The following COL5A3 variants were observed in gnomAD, a reference collection of about 807,000 sequenced individuals.
COL5A3 encodes the protein collagen type V alpha 3 chain.
In COL5A3, 172 loss-of-function variants were observed where a neutral mutation model predicts 250.0. The observed-to-expected ratio is 0.69, with a 90% confidence interval of 0.61 to 0.78. The LOEUF (loss-of-function observed/expected upper bound fraction) is 0.78. COL5A3 is among the 30% of genes least tolerant of loss of function. The pLI, the probability that COL5A3 is intolerant of heterozygous loss-of-function variation, is 0.00. For synonymous variants in COL5A3, 937 were observed against 900.4 expected (o/e 1.04, Z -0.73); for missense variants, 2,340 against 2,334.4 (o/e 1.00, Z -0.05).
rs142716179 is a variant in COL5A3 at position 10,004,095 on chromosome 19, C to T, written c.645G>A (p.Gln215=). 231 of 1,613,984 alleles carry T rather than the reference C, an allele frequency of 1.4e-4. No homozygotes were observed. Among genetic ancestry groups the T allele is most frequent in the Non-Finnish European group, 1.9e-4 (227 of 1,179,994 alleles). The change falls in exon 5 of 67, where the codon CAG becomes CAA. Residue 215 remains glutamine (Q), a synonymous_variant. Coordinates refer to ENST00000264828, the MANE Select transcript of COL5A3 (RefSeq NM_015719.4). ...AGTCGGGGAGGTACCGCTCACAAGCCTGGAAGGCAGCCTGAGGATCTGGGC... is the reference window on the plus strand; with the variant it reads ...AGTCGGGGAGGTACCGCTCACAAGCTTGGAAGGCAGCCTGAGGATCTGGGC... ...LISPDPQAAF[Q]ACERYLPDCD...
rs781503204 is a variant in COL5A3, at chr19:9,965,458, CT to C, written c.4782+855del. ...GGAGTGAGCCACCGCGCCCGGCCTTCTTTTTTTTTTTTCTAGGCGGAGTCTC... is the reference window on the plus strand; with the variant it reads ...GGAGTGAGCCACCGCGCCCGGCCTTCTTTTTTTTTTTCTAGGCGGAGTCTC... On this transcript the variant is annotated intron_variant, in intron 64 of 66. Transcript: ENST00000264828. 8.5e-4 allele frequency among the ~76,000 whole-genome samples: 119 copies of C among 139,418 alleles called. 1 individual carries two copies. Among genetic ancestry groups the C allele is most frequent in the South Asian group, 6.0e-3 (26 of 4,322 alleles). 91.5% of individuals were successfully genotyped at this position (139,418 alleles called of 152,430 possible).
chr19:9,984,275 G>A (rs567568699), intron 31 of COL5A3, among the ~76,000 whole-genome samples: 11 of 151,886 alleles, frequency 7.2e-5, no homozygotes, highest in African/African-American at 1.7e-4. Flanking sequence ...CACTCGCCTC[G>A]GCCTCCCAAA....
Position 10,003,635 on chromosome 19 carries a change from T to C in COL5A3, c.779A>G (p.Lys260Arg). The change falls in exon 6 of 67, where the codon AAG becomes AGG. Residue 260 changes from lysine to arginine, a missense_variant. Transcript: ENST00000264828. ...CTTGTTCTTTTTCCTGCCCTTCCCC[T>C]TGCGACCTCGCCCTTTCTTCCTCCC... ...GKGRKKGRGRKGKGRKKNKEI... is the reference protein window; with the variant it reads ...GKGRKKGRGRRGKGRKKNKEI... 1 of 1,614,184 alleles carries C rather than the reference T, an allele frequency of 6.2e-7. No homozygotes were observed. The highest frequency in any genetic ancestry group is 8.5e-7 in the Non-Finnish European group (1 of 1,180,030).
chr19:9,962,731 T>A, intron 65 of COL5A3, 88 bp downstream of exon 65: 1 of 1,022,650 alleles, frequency 9.8e-7, no homozygotes, highest in Non-Finnish European at 1.5e-6. Flanking sequence ...ATCCTCTTCA[T>A]CTCACCTCTC....
Position 9,993,551 on chromosome 19 carries a change from G to T in COL5A3, c.1695+68C>A. 1.6e-5 allele frequency: 25 copies of T among 1,586,780 alleles called. No individual in the cohort carries two copies. In the South Asian group the frequency reaches 2.7e-4, roughly 17 times the overall value. ...AGGGATCATGACTCTGATACTGAGG[G>T]AGAAGTTGGGGGGGCTTGAATATTG... On this transcript the variant is annotated intron_variant, in intron 18 of 66. Coordinates refer to ENST00000264828, the MANE Select transcript of COL5A3 (RefSeq NM_015719.4).
chr19:10,008,360 A>G (rs1463053634), intron 1 of COL5A3, among the ~76,000 whole-genome samples: 7 of 151,226 alleles, frequency 4.6e-5, no homozygotes, highest in Admixed American at 4.6e-4. Context: ...CCTTTCAGAA[A>G]CTGACTGCCC....
chr19:9,977,419 CA>C lies in COL5A3; in HGVS notation c.3179del (p.Leu1060ArgfsTer84). On this transcript the variant is annotated frameshift_variant, in exon 43 of 67. Coordinates refer to ENST00000264828, the MANE Select transcript of COL5A3 (RefSeq NM_015719.4). LOFTEE classifies it high-confidence loss of function. ...CAGCTCCAGGGGGTCCCAGAGGCCC[CA>C]GGGGCCCTGGGATCCCATCTTTGCC... Reference protein sequence around the residue: ...PTGKDGIPGPLGPLGPPGAAG... With the variant: ...PTGKDGIPGPXGPLGPPGAAG... 1 of 1,532,472 alleles carries C rather than the reference CA, an allele frequency of 6.5e-7. No homozygotes were observed. Among genetic ancestry groups the C allele is most frequent in the South Asian group, 1.3e-5 (1 of 77,482 alleles). 94.9% of individuals were successfully genotyped at this position (1,532,472 alleles called of 1,614,324 possible). A position where few individuals can be genotyped will look rare whatever the true frequency, so the allele number is the denominator to read the frequency against.
intron 15 of COL5A3, 197 bp downstream of exon 15, chr19:9,995,869 C>T (rs185695354): frequency 1.2e-4 from 71 of 610,752 alleles, no homozygotes; most frequent in African/African-American, 1.2e-3. Flanking sequence ...GTCTTGAACT[C>T]CTGGCCTCAA....
chr19:10,006,091 T>C lies in COL5A3; in HGVS notation c.229A>G (p.Thr77Ala). ...IGQASTLGIP[T>A]WELFPEGHFP... Reference sequence around the variant, plus strand: ...AACTCACCTGGAAAGAGTTCCCACGTGGGGATGCCGAGCGTGCTGGCCTGG... The same window carrying C: ...AACTCACCTGGAAAGAGTTCCCACGCGGGGATGCCGAGCGTGCTGGCCTGG... The change falls in exon 2 of 67, where the codon ACG becomes GCG. Residue 77 changes from threonine (T) to alanine (A), a missense_variant. Transcript: ENST00000264828. 2.5e-6 allele frequency: 4 copies of C among 1,614,040 alleles called. No homozygotes were observed. Among genetic ancestry groups the C allele is most frequent in the Non-Finnish European group, 3.4e-6 (4 of 1,179,940 alleles).
chr19:10,006,028 G>C (rs756247412), intron 2 of COL5A3, 43 bp from the exon 3 acceptor site: 1 of 1,610,754 alleles, frequency 6.2e-7, no homozygotes, highest in African/African-American at 1.3e-5. Flanking sequence ...GGGCCCAGCA[G>C]TGCCTCCCTC....
At chr19:9,993,104 A>G in intron 19 of COL5A3, 37 bp from the exon 20 acceptor site, 1 of 1,609,968 alleles carries the variant, frequency 6.2e-7, no homozygotes, top group Non-Finnish European at 8.5e-7. Context: ...ACAGGAAGGT[A>G]CAACCCTCGG....
In COL5A3 at chr19:10,005,618, G is replaced by A. The variant is rs114072683; in HGVS notation, c.534C>T (p.Phe178=). 9.9e-4 allele frequency: 1,606 copies of A among 1,614,164 alleles called. 10 individuals are homozygous for A. In the African/African-American group the frequency reaches 0.019, roughly 19 times the overall value. ...GCACAGTGAGTCCAGCTATGCTGATGAAGCGGGGGCCATGGCCCAAAACAG... is the reference window on the plus strand; with the variant it reads ...GCACAGTGAGTCCAGCTATGCTGATAAAGCGGGGGCCATGGCCCAAAACAG... The part of the protein sequence containing the change: ...QPPVLGHGPR[F]ISIAGLTVLG... The change falls in exon 4 of 67, where the codon TTC becomes TTT. Residue 178 remains phenylalanine (F), a synonymous_variant. Coordinates refer to ENST00000264828, the MANE Select transcript of COL5A3 (RefSeq NM_015719.4).
Position 9,969,334 on chromosome 19 carries a change from G to A in COL5A3, c.4152+15C>T. The A allele has an allele frequency of 1.3e-6, 2 of 1,586,868 alleles. No individual in the cohort carries two copies. Among genetic ancestry groups the A allele is most frequent in the Non-Finnish European group, 1.7e-6 (2 of 1,169,794 alleles). The stretch of plus-strand genomic sequence containing the variant: ...TCCTCAGAGCCAGAACCTCAAGGAT[G>A]AACAAGTCTCTTACCAGGGGGCCAG... On this transcript the variant is annotated intron_variant, in intron 57 of 66. Coordinates refer to ENST00000264828, the MANE Select transcript of COL5A3 (RefSeq NM_015719.4).
chr19:9,962,919 G>A (rs376649429), intron 64 of COL5A3, 32 bp from the exon 65 acceptor site: 7 of 1,542,962 alleles, frequency 4.5e-6, no homozygotes, highest in Middle Eastern at 1.7e-4. Context: ...CACTGTAGCT[G>A]ACGCCCTTGG....
intron 5 of COL5A3, 66 bp downstream of exon 5, chr19:10,003,975 G>A: frequency 1.5e-6 from 2 of 1,299,704 alleles, no homozygotes; most frequent in Non-Finnish European, 2.2e-6. Flanking sequence ...CTCTTTCTAG[G>A]GATCTGGAGC....
rs1393458769 is a variant in COL5A3, at chr19:9,983,568, GAAAGAAAGAAAGAAAGAAAGAA to G, written c.2407-1472_2407-1451del. On this transcript the variant is annotated intron_variant, in intron 31 of 66. Transcript: ENST00000264828. ...AGAAAGAAAGAAAGAAAGAAAGAAA[GAAAGAAAGAAAGAAAGAAAGAA>G]AGAAAGAAAGAGAAAGAGAGAGAGA... Among the ~76,000 whole-genome samples, 121 of 71,158 alleles carry G rather than the reference GAAAGAAAGAAAGAAAGAAAGAA, an allele frequency of 1.7e-3. 2 individuals are homozygous for G. Among genetic ancestry groups the G allele is most frequent in the African/African-American group, 5.0e-3 (112 of 22,618 alleles). The allele number at this position is 71,158 out of a possible 152,430, so 46.7% of individuals were successfully genotyped here.
chr19:9,976,449 G>A, intron 45 of COL5A3, 109 bp downstream of exon 45: 3 of 775,200 alleles, frequency 3.9e-6, no homozygotes, highest in Non-Finnish European at 6.0e-6. Flanking sequence ...GGGAAGATCA[G>A]GGTTGGGTTT....
rs1040141375 is a variant in COL5A3 at position 9,993,127 on chromosome 19, C to G, written c.1750-60G>C. ...GTACAACCCTCGGAGAGCCACCTCC[C>G]CTCATCTGGGCAGCCCCTTCCAGGG... is the stretch of plus-strand genomic sequence containing the variant. On this transcript the variant is annotated intron_variant, in intron 19 of 66. Transcript: ENST00000264828. 78 of 1,565,162 alleles carry G rather than the reference C, an allele frequency of 5.0e-5. No homozygotes were observed. The Admixed American group carries it at 1.1e-3, about 21-fold the overall frequency.
chr19:10,010,188 G>A, intron 1 of COL5A3, 110 bp downstream of exon 1: 1 of 586,600 alleles, frequency 1.7e-6, no homozygotes, highest in Non-Finnish European at 2.3e-6. Context: ...GGCCGCACGC[G>A]GCGCCCACGC....
Sources: allele counts gnomAD v4.1 joint callset (sites outside exome capture counted in the v4.1 genomes callset), GRCh38; gene constraint gnomAD v4.1.1; transcripts MANE v1.5; gene names NCBI Gene and HGNC (gene_info 2026-07-23, HGNC 2026-07-21).